INPP5A: variants seen among roughly 807,000 people sequenced by gnomAD.
INPP5A encodes inositol polyphosphate-5-phosphatase A, also known as 43 kDa inositol polyphosphate 5-phophatase.
A neutral mutation model predicts 65.2 loss-of-function variants in INPP5A; 14 were observed. The observed-to-expected ratio is 0.21, with a 90% CI of 0.14 to 0.34. The LOEUF is 0.34. Among genes scored for constraint, INPP5A ranks in the 10% least tolerant of loss-of-function variants. The pLI is 1.00. For synonymous variants in INPP5A, 207 were observed against 208.3 expected (o/e 0.99, Z 0.05); for missense variants, 431 against 545.6 (o/e 0.79, Z 2.09).
chr10:132,594,729 C>G lies in INPP5A; in HGVS notation c.76-13186C>G, dbSNP rs538249783. Among the ~76,000 whole-genome samples, 97 of 152,084 alleles carry G rather than the reference C, an allele frequency of 6.4e-4. 2 individuals carry two copies. Among genetic ancestry groups the G allele is most frequent in the South Asian group, 2.3e-3 (11 of 4,814 alleles). On this transcript the variant is annotated intron_variant, in intron 1 of 15. Coordinates refer to ENST00000368594, the MANE Select transcript of INPP5A (RefSeq NM_005539.5). The stretch of plus-strand genomic sequence containing the variant: ...GTGGCATGTGTGTTTGGGTGGTTGT[C>G]TTTGCTGGCCCAGTTGTAGCAGCTC...
chr10:132,690,565 G>A (rs1845242394), intron 5 of INPP5A, 110 bp downstream of exon 5: 5 of 813,582 alleles, frequency 6.1e-6, no homozygotes, highest in Middle Eastern at 3.3e-4. Context: ...ACTGTGGGCT[G>A]GGTGTCTTGA....
intron 1 of INPP5A, among the ~76,000 whole-genome samples, chr10:132,569,048 T>A (rs1180557323): frequency 6.6e-6 from 1 of 151,802 alleles, no homozygotes; most frequent in Non-Finnish European, 1.5e-5. Flanking sequence ...CTCGAGTAGC[T>A]GGGATTACAG....
At chr10:132,709,805 C>T (rs1302408689) in intron 7 of INPP5A, among the ~76,000 whole-genome samples, 1 of 152,222 alleles carries the variant, frequency 6.6e-6, no homozygotes, top group African/African-American at 2.4e-5. Flanking sequence ...GCTGAGGGTC[C>T]CCTGCAGTGT....
Position 132,538,775 on chromosome 10 carries a change from T to C in INPP5A, c.75+604T>C, listed in dbSNP as rs2070873572. On this transcript the variant is annotated intron_variant, in intron 1 of 15. Coordinates refer to ENST00000368594, the MANE Select transcript of INPP5A (RefSeq NM_005539.5). The surrounding 1 kb of genome is among the most constrained non-coding windows in gnomAD (Gnocchi z 4.1). Reference sequence around the variant, plus strand: ...AACCCTGAAACATAACCACAAACCCTAACCCAGGAACTTCTGACACAGGGC... The same window carrying C: ...AACCCTGAAACATAACCACAAACCCCAACCCAGGAACTTCTGACACAGGGC... 6.6e-6 allele frequency among the ~76,000 whole-genome samples: 1 copy of C among 152,096 alleles called. No homozygotes were observed. The highest frequency in any genetic ancestry group is 2.1e-4 in the South Asian group (1 of 4,822).
In INPP5A at chr10:132,690,406, T is replaced by A. The variant is rs749606643; in HGVS notation, c.321T>A (p.Phe107Leu). Residue 107 changes from phenylalanine to leucine, a missense_variant, in exon 5 of 16, where the codon TTT becomes TTA. Transcript: ENST00000368594. ...TTGCTCTACAGGCACTAGGAAGCTT[T>A]TATTTTCTTCATGAGTCCTTAAAAA... is the stretch of plus-strand genomic sequence containing the variant. ...SQEHFTALGSFYFLHESLKNI... is the reference protein window; with the variant it reads ...SQEHFTALGSLYFLHESLKNI... 2 of 1,610,490 alleles carry A rather than the reference T, an allele frequency of 1.2e-6. No individual in the cohort carries two copies. Among genetic ancestry groups the A allele is most frequent in the Admixed American group, 3.3e-5 (2 of 60,022 alleles).
At chr10:132,738,980 G>A (rs1203611204) in intron 9 of INPP5A, among the ~76,000 whole-genome samples, 2 of 152,204 alleles carry the variant, frequency 1.3e-5, no homozygotes, top group Non-Finnish European at 2.9e-5. Context: ...GGGTTCACCA[G>A]GAAGACCGTT....
intron 2 of INPP5A, among the ~76,000 whole-genome samples, chr10:132,643,848 T>C (rs1186926371): frequency 6.6e-6 from 1 of 152,088 alleles, no homozygotes; most frequent in Admixed American, 6.5e-5. Flanking sequence ...AGTGCTGACA[T>C]CGCCTCCCAC....
intron 9 of INPP5A, among the ~76,000 whole-genome samples, chr10:132,747,553 T>G (rs1007900335): frequency 6.6e-6 from 1 of 152,180 alleles, no homozygotes; most frequent in Non-Finnish European, 1.5e-5. Context: ...GCCCGGAACC[T>G]GCACAGGAAG....
chr10:132,739,906 C>T (rs1846243778), intron 9 of INPP5A, among the ~76,000 whole-genome samples: 2 of 152,326 alleles, frequency 1.3e-5, no homozygotes, highest in East Asian at 1.9e-4. Flanking sequence ...TGAGCACTGA[C>T]GTTCGGGGGT....
At chr10:132,709,100 T>TG (rs1845589561) in intron 7 of INPP5A, among the ~76,000 whole-genome samples, 2 of 151,630 alleles carry the variant, frequency 1.3e-5, no homozygotes, top group South Asian at 4.2e-4. Context: ...GTGGCTTTTC[T>TG]GGGGCTCTGG....
chr10:132,608,037 A>C, intron 2 of INPP5A, 81 bp downstream of exon 2: 1 of 1,311,318 alleles, frequency 7.6e-7, no homozygotes. Context: ...TCCTCCATGG[A>C]GTCTGGTGTG....
intron 4 of INPP5A, among the ~76,000 whole-genome samples, chr10:132,664,077 T>G (rs1166258430): frequency 6.6e-6 from 1 of 152,256 alleles, no homozygotes; most frequent in African/African-American, 2.4e-5. Context: ...AGAAAATCAC[T>G]GAAGCAGTGA....
chr10:132,633,676 T>G (rs1185247428), intron 2 of INPP5A, among the ~76,000 whole-genome samples: 2 of 152,200 alleles, frequency 1.3e-5, no homozygotes, highest in Admixed American at 6.5e-5. Context: ...GAGAAGGTCA[T>G]GATTTTTCCA....
chr10:132,574,649 T>C (rs1378737851), intron 1 of INPP5A, among the ~76,000 whole-genome samples: 1 of 147,814 alleles, frequency 6.8e-6, no homozygotes. Flanking sequence ...TATTTTATTT[T>C]ATTTTATTTT....
At chr10:132,721,649 T>C (rs1730884316) in intron 8 of INPP5A, among the ~76,000 whole-genome samples, 1 of 151,276 alleles carries the variant, frequency 6.6e-6, no homozygotes, top group African/African-American at 2.4e-5. Context: ...GGTTCTGTGG[T>C]GCCTGGGTTC....
chr10:132,765,646 G>A, intron 11 of INPP5A, 127 bp from the exon 12 acceptor site: 1 of 668,500 alleles, frequency 1.5e-6, no homozygotes. Flanking sequence ...TCTGGTGACA[G>A]ATGTGGCGGC....
intron 3 of INPP5A, among the ~76,000 whole-genome samples, chr10:132,648,827 G>A (rs1018047336): frequency 1.3e-5 from 2 of 152,200 alleles, no homozygotes; most frequent in African/African-American, 2.4e-5. Flanking sequence ...GCAGCAACCT[G>A]ATTATGTTGT....
chr10:132,607,337 T>C (rs1242274874), intron 1 of INPP5A, among the ~76,000 whole-genome samples: 1 of 152,234 alleles, frequency 6.6e-6, no homozygotes, highest in African/African-American at 2.4e-5. Context: ...CTGTGGCATG[T>C]GGTAGGTTTT....
chr10:132,585,969 A>G (rs906368915), intron 1 of INPP5A, among the ~76,000 whole-genome samples: 26 of 152,096 alleles, frequency 1.7e-4, no homozygotes, highest in Non-Finnish European at 2.9e-4. Flanking sequence ...GGTCATTGTG[A>G]AGCAGCCTCA....
Sources: allele counts gnomAD v4.1 joint callset (sites outside exome capture counted in the v4.1 genomes callset), GRCh38; gene constraint gnomAD v4.1.1; non-coding constraint Gnocchi (gnomAD v3.1); transcripts MANE v1.5; gene names NCBI Gene and HGNC (gene_info 2026-07-23, HGNC 2026-07-21).